Variants in CNTN5 observed in about 807,000 individuals in gnomAD.
CNTN5 encodes the protein contactin 5, also known as contactin-5.
In CNTN5, 77 loss-of-function variants were observed where a neutral mutation model predicts 129.1. The ratio of observed to expected loss-of-function variants is 0.60; its 90% CI spans 0.50 to 0.72. The LOEUF (loss-of-function observed/expected upper bound fraction) is 0.72. CNTN5 is among the 30% of genes least tolerant of loss of function. The pLI is 0.00. For missense variants in CNTN5, 1,478 were observed against 1,328.8 expected (o/e 1.11, Z -1.75); for synonymous variants, 509 against 465.6 (o/e 1.09, Z -1.20).
intron 13 of CNTN5, among the ~76,000 whole-genome samples, chr11:100,122,930 C>T (rs755703270): frequency 6.6e-6 from 1 of 151,904 alleles, no homozygotes; most frequent in Non-Finnish European, 1.5e-5. Context: ...GAGGCTTTTG[C>T]AATATCCAAA....
chr11:99,373,754 A>G (rs1301860783), intron 2 of CNTN5, among the ~76,000 whole-genome samples: 2 of 150,896 alleles, frequency 1.3e-5, no homozygotes, highest in African/African-American at 2.4e-5. Flanking sequence ...ATTTTTCATC[A>G]TTCTTAATTT....
rs1945806687 is a variant in CNTN5, at chr11:100,115,262, T to C, written c.1580+40968T>C. ...TTTAGTTCCTACTATGCTTTTCCTA[T>C]GTGGTGACTACAAGTTGTCTTCTTA... On this transcript the variant is annotated intron_variant, in intron 13 of 24. Coordinates refer to ENST00000524871, the MANE Select transcript of CNTN5 (RefSeq NM_014361.4). Among the ~76,000 whole-genome samples, 6 of 152,202 alleles carry C rather than the reference T, an allele frequency of 3.9e-5. 1 individual carries two copies. In the South Asian group the frequency reaches 1.2e-3, roughly 32 times the overall value.
intron 1 of CNTN5, among the ~76,000 whole-genome samples, chr11:99,110,053 G>A (rs576659806): frequency 1.3e-5 from 2 of 151,992 alleles, no homozygotes; most frequent in Non-Finnish European, 2.9e-5. Context: ...AGAAATATTC[G>A]AATAGATGAG....
intron 2 of CNTN5, among the ~76,000 whole-genome samples, chr11:99,381,967 G>A (rs751623377): frequency 5.2e-5 from 7 of 133,944 alleles, no homozygotes; most frequent in Admixed American, 1.6e-4. Context: ...GAGAAAAATC[G>A]TAGTCTCCCT....
At chr11:99,343,565 T>G (rs1054600058) in intron 2 of CNTN5, among the ~76,000 whole-genome samples, 2 of 152,226 alleles carry the variant, frequency 1.3e-5, no homozygotes, top group Non-Finnish European at 1.5e-5. Context: ...TGCATAGTTT[T>G]AAGATAATCT....
intron 6 of CNTN5, among the ~76,000 whole-genome samples, chr11:99,863,010 A>C (rs1333503331): frequency 6.6e-6 from 1 of 152,148 alleles, no homozygotes; most frequent in Non-Finnish European, 1.5e-5. Context: ...TAGGTCATCA[A>C]CTTGTATTGC....
At chr11:99,989,895 A>G (rs7120126) in intron 8 of CNTN5, among the ~76,000 whole-genome samples, 58,685 of 151,892 alleles carry the variant, frequency 0.39, 12,431 homozygotes, top group African/African-American at 0.57. Flanking sequence ...CCTCCCGAGT[A>G]GCTGGGACTA....
chr11:99,480,549 G>A (rs987041935), intron 2 of CNTN5, among the ~76,000 whole-genome samples: 35 of 152,060 alleles, frequency 2.3e-4, no homozygotes, highest in African/African-American at 8.5e-4. Flanking sequence ...ATAAACATTT[G>A]CTATTAATTT....
chr11:99,123,798 T>C (rs1390010651), intron 1 of CNTN5, among the ~76,000 whole-genome samples: 1 of 152,084 alleles, frequency 6.6e-6, no homozygotes, highest in Non-Finnish European at 1.5e-5. Context: ...GTTTATTGAA[T>C]AGGGAGTTCT....
chr11:99,206,553 A>G (rs563300182), intron 1 of CNTN5, among the ~76,000 whole-genome samples: 1 of 149,712 alleles, frequency 6.7e-6, no homozygotes, highest in East Asian at 1.9e-4. Context: ...TTTTTCTCCT[A>G]CTATTAGTGT....
chr11:100,117,412 C>T (rs1345246782), intron 13 of CNTN5, among the ~76,000 whole-genome samples: 2 of 152,012 alleles, frequency 1.3e-5, no homozygotes, highest in Non-Finnish European at 2.9e-5. Context: ...TGTTATGGAA[C>T]TCTGCTATGA....
chr11:100,119,042 C>CAAA (rs5794038), intron 13 of CNTN5, among the ~76,000 whole-genome samples: 1 of 142,668 alleles, frequency 7.0e-6, no homozygotes, highest in Non-Finnish European at 1.6e-5. Flanking sequence ...AAGACTGGTT[C>CAAA]AAAAAAAAAA....
chr11:99,229,541 A>AC (rs1555083579), intron 1 of CNTN5, among the ~76,000 whole-genome samples: 2,559 of 143,646 alleles, frequency 0.018, 96 homozygotes, highest in African/African-American at 0.062. Context: ...AAAAAAAAAA[A>AC]AGGACACAGC....
At chr11:99,129,691 AAATGT>A (rs1858833494) in intron 1 of CNTN5, among the ~76,000 whole-genome samples, 4 of 152,286 alleles carry the variant, frequency 2.6e-5, no homozygotes, top group African/African-American at 9.6e-5. Context: ...ATACAGGAAA[AAATGT>A]TAAGGGCAGT....
At chr11:99,382,103 G>C (rs532053835) in intron 2 of CNTN5, among the ~76,000 whole-genome samples, 2 of 152,112 alleles carry the variant, frequency 1.3e-5, no homozygotes, top group Non-Finnish European at 2.9e-5. Context: ...TACATCCTTG[G>C]TATGAGAGTA....
chr11:100,190,329 G>A (rs1400160438), intron 13 of CNTN5, among the ~76,000 whole-genome samples: 1 of 151,908 alleles, frequency 6.6e-6, no homozygotes, highest in African/African-American at 2.4e-5. Context: ...TGAAATAATA[G>A]GTTATATTTC....
At chr11:99,241,318 G>GTTTTTTTTTTTTTTTT (rs10648459) in intron 1 of CNTN5, among the ~76,000 whole-genome samples, 2 of 88,044 alleles carry the variant, frequency 2.3e-5, no homozygotes, top group African/African-American at 4.4e-5. Context: ...TTGATTGTTG[G>GTTTTTTTTTTTTTTTT]TTTTTTTTTT....
intron 7 of CNTN5, among the ~76,000 whole-genome samples, chr11:99,942,109 A>G (rs960888048): frequency 3.3e-5 from 5 of 152,120 alleles, no homozygotes; most frequent in South Asian, 2.1e-4. Context: ...AGCTCCAACT[A>G]TCTTTACTGG....
chr11:100,029,344 A>G (rs1433094395), intron 9 of CNTN5, among the ~76,000 whole-genome samples: 1 of 152,114 alleles, frequency 6.6e-6, no homozygotes, highest in African/African-American at 2.4e-5. Flanking sequence ...GCACTTTGGG[A>G]GGCTGAGGCG....
Sources: allele counts gnomAD v4.1 joint callset (sites outside exome capture counted in the v4.1 genomes callset), GRCh38; gene constraint gnomAD v4.1.1; transcripts MANE v1.5; gene names NCBI Gene and HGNC (gene_info 2026-07-23, HGNC 2026-07-21).